PABPC4L: variants seen among roughly 807,000 people sequenced by gnomAD.
The protein encoded by PABPC4L is poly(A) binding protein cytoplasmic 4 like.
For missense variants in PABPC4L, 452 were observed against 451.4 expected (o/e 1.00, Z -0.01); for synonymous variants, 169 against 164.1 (o/e 1.03, Z -0.23).
the PABPC4L span, among the ~76,000 whole-genome samples, chr4:134,190,454 C>T: frequency 3.0e-4 from 46 of 151,902 alleles, no homozygotes; most frequent in Admixed American, 7.2e-4. Flanking sequence ...AATTTTTATT[C>T]TTAATTTTCT....
the PABPC4L span, among the ~76,000 whole-genome samples, chr4:134,039,022 G>A: frequency 1.3e-5 from 2 of 152,030 alleles, no homozygotes; most frequent in African/African-American, 4.8e-5. Context: ...GGTATGTTGT[G>A]TCTTTGTTCT....
Position 134,197,776 on chromosome 4 carries a change from G to A in PABPC4L, c.*2131C>T, listed in dbSNP as rs536354232. Reference sequence around the variant, plus strand: ...TTTGTTTTACATATCATGTTGAATTGACCAACAGCTTAAAAAAAACCCTTG... The same window carrying A: ...TTTGTTTTACATATCATGTTGAATTAACCAACAGCTTAAAAAAAACCCTTG... On this transcript the variant is annotated 3_prime_UTR_variant, in exon 2 of 2. Transcript: ENST00000421491. 1 of 151,638 alleles carries A rather than the reference G, an allele frequency of 6.6e-6. No homozygotes were observed. Among genetic ancestry groups the A allele is most frequent in the African/African-American group, 2.4e-5 (1 of 41,490 alleles). 9.4% of individuals were successfully genotyped at this position (151,638 alleles called of 1,614,324 possible).
the PABPC4L span, among the ~76,000 whole-genome samples, chr4:134,006,207 A>G: frequency 6.6e-6 from 1 of 151,864 alleles, no homozygotes; most frequent in African/African-American, 2.4e-5. Flanking sequence ...GGCTAATTAT[A>G]AGAATTTATT....
At chr4:134,021,347 G>A in the PABPC4L span, among the ~76,000 whole-genome samples, 3 of 152,046 alleles carry the variant, frequency 2.0e-5, no homozygotes, top group South Asian at 2.1e-4. Flanking sequence ...ATTGTTTCCT[G>A]GGGTGGATAG....
chr4:134,023,955 TA>T, the PABPC4L span, among the ~76,000 whole-genome samples: 1 of 152,144 alleles, frequency 6.6e-6, no homozygotes, highest in East Asian at 1.9e-4. Context: ...ACATACACTT[TA>T]AAAATAAATT....
chr4:134,102,690 G>T, the PABPC4L span, among the ~76,000 whole-genome samples: 1 of 151,540 alleles, frequency 6.6e-6, no homozygotes, highest in Non-Finnish European at 1.5e-5. Flanking sequence ...GAAGTTTTAA[G>T]TGATCTATTT....
the PABPC4L span, among the ~76,000 whole-genome samples, chr4:133,990,990 C>T: frequency 6.6e-6 from 1 of 152,058 alleles, no homozygotes; most frequent in African/African-American, 2.4e-5. Flanking sequence ...CCTTCATCTC[C>T]CTCTTTTCTG....
At chr4:134,050,496 G>A in the PABPC4L span, among the ~76,000 whole-genome samples, 1 of 152,028 alleles carries the variant, frequency 6.6e-6, no homozygotes, top group Non-Finnish European at 1.5e-5. Context: ...CCTGAGGTGA[G>A]GAGTTCAAGA....
the PABPC4L span, among the ~76,000 whole-genome samples, chr4:134,104,599 G>A: frequency 6.6e-6 from 1 of 151,622 alleles, no homozygotes; most frequent in African/African-American, 2.4e-5. Context: ...CTAGGTACCT[G>A]CCTAGTTATA....
At chr4:134,024,135 G>C in the PABPC4L span, among the ~76,000 whole-genome samples, 1 of 151,988 alleles carries the variant, frequency 6.6e-6, no homozygotes, top group Non-Finnish European at 1.5e-5. Context: ...TCTTGATCTG[G>C]TCTCTGTTTC....
chr4:134,018,356 G>T, the PABPC4L span, among the ~76,000 whole-genome samples: 1 of 152,060 alleles, frequency 6.6e-6, no homozygotes, highest in African/African-American at 2.4e-5. Context: ...CCTGTTTGGT[G>T]GTCTCTTCAC....
chr4:134,077,790 T>C, the PABPC4L span, among the ~76,000 whole-genome samples: 1 of 152,196 alleles, frequency 6.6e-6, no homozygotes, highest in Non-Finnish European at 1.5e-5. Flanking sequence ...GTTTTTAATA[T>C]AAAATCTATT....
chr4:134,057,449 A>C, the PABPC4L span, among the ~76,000 whole-genome samples: 6 of 152,000 alleles, frequency 3.9e-5, no homozygotes, highest in Non-Finnish European at 8.8e-5. Context: ...CTCATCTAGC[A>C]CTCTGACATC....
chr4:134,011,239 A>T, the PABPC4L span, among the ~76,000 whole-genome samples: 1 of 152,138 alleles, frequency 6.6e-6, no homozygotes, highest in Non-Finnish European at 1.5e-5. Context: ...TTTCCAAAAT[A>T]AGTAGCATCA....
the PABPC4L span, among the ~76,000 whole-genome samples, chr4:133,994,326 A>G: frequency 1.3e-5 from 2 of 152,134 alleles, no homozygotes; most frequent in Non-Finnish European, 2.9e-5. Context: ...AGAGAGCCAC[A>G]TTAAGGGTAT....
the PABPC4L span, among the ~76,000 whole-genome samples, chr4:134,094,367 A>T: frequency 3.9e-5 from 6 of 151,978 alleles, no homozygotes; most frequent in African/African-American, 1.4e-4. Flanking sequence ...AAAACAAGTT[A>T]TGATACTAAA....
At chr4:134,001,209 G>A in the PABPC4L span, among the ~76,000 whole-genome samples, 1 of 106,872 alleles carries the variant, frequency 9.4e-6, no homozygotes, top group East Asian at 2.0e-4. Context: ...ATTTTTACAA[G>A]CTGAAAAATG....
the PABPC4L span, among the ~76,000 whole-genome samples, chr4:133,963,210 A>C: frequency 6.6e-6 from 1 of 152,304 alleles, no homozygotes; most frequent in African/African-American, 2.4e-5. Context: ...CAGACAAAAC[A>C]AACTTTAAAG....
the PABPC4L span, among the ~76,000 whole-genome samples, chr4:133,965,861 A>C: frequency 6.2e-4 from 95 of 152,326 alleles, no homozygotes; most frequent in Non-Finnish European, 1.1e-3. Flanking sequence ...GAAACCATAA[A>C]AATTCTACAA....
Sources: gnomAD v4.1 joint callset for allele counts (sites outside exome capture counted in the v4.1 genomes callset) on GRCh38, gnomAD v4.1.1 for gene constraint, MANE v1.5 for transcripts, NCBI Gene and HGNC (gene_info 2026-07-23, HGNC 2026-07-21) for gene names.